ZNF445: variants seen among roughly 807,000 people sequenced by gnomAD.
ZNF445 encodes the protein zinc finger protein 168.
ZNF445 carries 19 observed loss-of-function variants against 93.9 expected under a neutral mutation model. That is an observed-to-expected ratio of 0.20 (90% CI 0.14 to 0.30). ZNF445 has a LOEUF of 0.30. ZNF445 is among the 10% of genes least tolerant of loss of function. The pLI, the probability that ZNF445 is intolerant of heterozygous loss-of-function variation, is 1.00. For missense variants in ZNF445, 1,058 were observed against 1,259.4 expected (o/e 0.84, Z 2.42); for synonymous variants, 449 against 446.3 (o/e 1.01, Z -0.08).
chr3:44,449,637 G>A lies in ZNF445; in HGVS notation c.821-14C>T. ...TGAATGGTCCCACTGCAGAAGAGAA[G>A]AGAATGGCATGAGAAGGGAGATGGA... On this transcript the variant is annotated splice_polypyrimidine_tract_variant and intron_variant, in intron 6 of 7. Transcript: ENST00000396077. 1 of 1,600,072 alleles carries A rather than the reference G, an allele frequency of 6.2e-7. No individual in the cohort carries two copies. The highest frequency in any genetic ancestry group is 2.2e-5 in the East Asian group (1 of 44,762).
intron 2 of ZNF445, among the ~76,000 whole-genome samples, chr3:44,457,261 C>T (rs374375268): frequency 2.6e-5 from 4 of 151,990 alleles, no homozygotes; most frequent in Non-Finnish European, 5.9e-5. Context: ...CTGTGATACA[C>T]CCAACTGATT....
intron 1 of ZNF445, among the ~76,000 whole-genome samples, chr3:44,477,124 T>C (rs1456350916): frequency 2.0e-5 from 3 of 152,218 alleles, no homozygotes; most frequent in Non-Finnish European, 2.9e-5. Context: ...CAATATTGTT[T>C]CCTCACAATA....
chr3:44,451,032 C>G lies in ZNF445; in HGVS notation c.599-70G>C, dbSNP rs188346622. ...CCCAGTGAGAAGCCCACTCTTCCCC[C>G]CAGTAGAGGACTCCTGGACCCATGA... On this transcript the variant is annotated intron_variant, in intron 4 of 7. Transcript: ENST00000396077. The G allele has an allele frequency of 3.8e-6, 5 of 1,308,768 alleles. No individual in the cohort carries two copies. The East Asian group carries it at 1.3e-4, about 33-fold the overall frequency. The allele number at this position is 1,308,768 out of a possible 1,614,324, so 81.1% of individuals were successfully genotyped here.
At chr3:44,462,020 T>C (rs1379942957) in intron 1 of ZNF445, among the ~76,000 whole-genome samples, 3 of 151,480 alleles carry the variant, frequency 2.0e-5, no homozygotes, top group African/African-American at 7.3e-5. Flanking sequence ...TCTCTCTGTC[T>C]GGGTAAATGG....
chr3:44,448,368 TCC>T lies in ZNF445; in HGVS notation c.1301_1302del (p.Gly434GlufsTer18). On this transcript the variant is annotated frameshift_variant, in exon 8 of 8. Transcript: ENST00000396077. LOFTEE classifies it high-confidence loss of function. ...SSHHYDYKKY[G>X]KGLRHMIGGF... Reference sequence around the variant, plus strand: ...CCCCCAATCATGTGTCTGAGCCCCTTCCCATATTTCTTGTAGTCATAGTGGTG... The same window carrying T: ...CCCCCAATCATGTGTCTGAGCCCCTTCATATTTCTTGTAGTCATAGTGGTG... 6.2e-7 allele frequency: 1 copy of T among 1,614,216 alleles called. No homozygotes were observed. Among genetic ancestry groups the T allele is most frequent in the Non-Finnish European group, 8.5e-7 (1 of 1,180,034 alleles).
In ZNF445 at chr3:44,450,430, G is replaced by C; in HGVS notation, c.820+17C>G. The C allele has an allele frequency of 6.2e-7, 1 of 1,614,090 alleles. No homozygotes were observed. Among genetic ancestry groups the C allele is most frequent in the African/African-American group, 1.3e-5 (1 of 75,028 alleles). ...GAAATAAAGATGGATAGAAGCATGAGGATATCGATTACTTACCCAGGGAAG... is the reference window on the plus strand; with the variant it reads ...GAAATAAAGATGGATAGAAGCATGACGATATCGATTACTTACCCAGGGAAG... On this transcript the variant is annotated intron_variant, in intron 6 of 7. Coordinates refer to ENST00000396077, the MANE Select transcript of ZNF445 (RefSeq NM_181489.6).
rs1420474700 is a variant in ZNF445 at position 44,438,319 on chromosome 3, C to T, written c.*8256G>A. The T allele has an allele frequency of 2.6e-5, 4 of 152,034 alleles. No individual in the cohort carries two copies. Among genetic ancestry groups the T allele is most frequent in the African/African-American group, 9.7e-5 (4 of 41,372 alleles). 9.4% of individuals were successfully genotyped at this position (152,034 alleles called of 1,614,324 possible). On this transcript the variant is annotated 3_prime_UTR_variant, in exon 8 of 8. Transcript: ENST00000396077. ...GGATTACAGGCACACACCACCACAC[C>T]CGGCTAATTTTTGTATTTTTAATAG...
chr3:44,455,412 G>A lies in ZNF445; in HGVS notation c.138C>T (p.Leu46=), dbSNP rs376915533. 5.0e-6 allele frequency: 8 copies of A among 1,614,120 alleles called. No homozygotes were observed. Among genetic ancestry groups the A allele is most frequent in the Admixed American group, 3.3e-5 (2 of 60,002 alleles). Residue 46 remains leucine (L), a synonymous_variant, in exon 3 of 8, where the codon CTC becomes CTT. Coordinates refer to ENST00000396077, the MANE Select transcript of ZNF445 (RefSeq NM_181489.6). ...GGAACAGCTCCTGGCCAGGGCGGTT[G>A]AGAGTCTGTGGCCTGGCAGCCTGCA... ...TPVQAARPQT[L]NRPGQELFRQ...
At chr3:44,472,278 A>G (rs560313166) in intron 1 of ZNF445, among the ~76,000 whole-genome samples, 6 of 152,354 alleles carry the variant, frequency 3.9e-5, no homozygotes, top group Non-Finnish European at 7.4e-5. Flanking sequence ...AGCTCCAAAA[A>G]TAAGTCTCCA....
At position 44,437,724 on chromosome 3, in the gene ZNF445, T is replaced by C. The variant is rs185503595; in HGVS notation, c.*8851A>G. On this transcript the variant is annotated 3_prime_UTR_variant, in exon 8 of 8. Transcript: ENST00000396077. ...CAAAGTCGTCCAATCAGTGCTGCAG[T>C]CTATTTCTTTGGGGTTGGGGGGATT... 3.3e-5 allele frequency: 5 copies of C among 152,338 alleles called. No homozygotes were observed. In the East Asian group the frequency reaches 9.6e-4, roughly 29 times the overall value. The allele number at this position is 152,338 out of a possible 1,614,324, so 9.4% of individuals were successfully genotyped here. A position where few individuals can be genotyped will look rare whatever the true frequency, so the allele number is the denominator to read the frequency against.
chr3:44,448,041 C>T lies in ZNF445; in HGVS notation c.1630G>A (p.Asp544Asn), dbSNP rs1004351144. 1.9e-6 allele frequency: 3 copies of T among 1,611,662 alleles called. No individual in the cohort carries two copies. The highest frequency in any genetic ancestry group is 2.5e-6 in the Non-Finnish European group (3 of 1,179,996). The part of the protein sequence containing the change: ...IHTGVKPYKC[D>N]LCEKAFRRLS... ...CGTCGGAAAGCTTTCTCACATAAAT[C>T]GCATTTATAAGGCTTCACTCCAGTG... The change falls in exon 8 of 8, where the codon GAT (aspartate) becomes AAT (asparagine). Residue 544 changes from aspartate (D) to asparagine (N), a missense_variant. Asp to Asn is a conservative substitution (Grantham distance 23, BLOSUM62 1). Transcript: ENST00000396077.
intron 1 of ZNF445, among the ~76,000 whole-genome samples, chr3:44,461,907 C>T (rs767556395): frequency 5.9e-5 from 9 of 152,180 alleles, no homozygotes; most frequent in Non-Finnish European, 1.0e-4. Context: ...TCAGAACCTG[C>T]TCCATTCTTC....
chr3:44,464,553 G>C lies in ZNF445; in HGVS notation c.-268-6189C>G, dbSNP rs191975525. Among the ~76,000 whole-genome samples the C allele has an allele frequency of 3.9e-3, 600 of 152,248 alleles. 3 individuals carry two copies. Among genetic ancestry groups the C allele is most frequent in the African/African-American group, 0.014 (569 of 41,536 alleles). ...TATTCTTTTAGAAGACAGTTTTAAA[G>C]ACTGATAAAATAAAATGTCTTGAAA... On this transcript the variant is annotated intron_variant, in intron 1 of 7. Transcript: ENST00000396077.
At chr3:44,451,517 T>C (rs1296494199) in intron 3 of ZNF445, 35 bp from the exon 4 acceptor site, 2 of 1,581,510 alleles carry the variant, frequency 1.3e-6, no homozygotes, top group Non-Finnish European at 1.7e-6. Flanking sequence ...AGGATCTTTC[T>C]GGGAATCAGA....
rs1039016361 is a variant in ZNF445, at chr3:44,447,713, T to C, written c.1958A>G (p.Tyr653Cys). 6.2e-7 allele frequency: 1 copy of C among 1,614,200 alleles called. No homozygotes were observed. Among genetic ancestry groups the C allele is most frequent in the Non-Finnish European group, 8.5e-7 (1 of 1,180,042 alleles). ...HMRLHEEEKF[Y>C]KQDECREGFR... is the part of the protein sequence containing the mutation. ...GCCTTCACGACATTCATCTTGTTTG[T>C]AGAATTTTTCCTCCTCATGCAACCT... Residue 653 changes from tyrosine (Y) to cysteine (C), a missense_variant, in exon 8 of 8, where the codon TAC (tyrosine) becomes TGC (cysteine). Tyr to Cys is a radical substitution (Grantham distance 194). This residue lies in a region of ZNF445 where 387 missense variants were observed against 475.7 expected (regional missense o/e 0.81). Coordinates refer to ENST00000396077, the MANE Select transcript of ZNF445 (RefSeq NM_181489.6). This position sits in a 1 kb window ranked among gnomAD's most constrained non-coding sequence, Gnocchi z 4.7.
intron 7 of ZNF445, 85 bp from the exon 8 acceptor site, chr3:44,448,824 G>A: frequency 4.1e-6 from 6 of 1,479,004 alleles, no homozygotes; most frequent in Non-Finnish European, 5.4e-6. Context: ...AAAATGTCTG[G>A]GTGGTGAGGC....
chr3:44,472,341 CT>C (rs534184142), intron 1 of ZNF445, among the ~76,000 whole-genome samples: 15 of 152,070 alleles, frequency 9.9e-5, no homozygotes, highest in South Asian at 6.2e-4. Context: ...GGGTCAGTGA[CT>C]TTTTTTTCCC....
rs145107439 is a variant in ZNF445, at chr3:44,460,324, T to C, written c.-268-1960A>G. Among the ~76,000 whole-genome samples, 88 of 152,324 alleles carry C rather than the reference T, an allele frequency of 5.8e-4. No individual in the cohort carries two copies. The East Asian group carries it at 0.013, about 23-fold the overall frequency. On this transcript the variant is annotated intron_variant, in intron 1 of 7. Transcript: ENST00000396077. Reference sequence around the variant, plus strand: ...TTGGGAGAAACTAATAGTTTAAACATAGAGATTAACAACCCTTTCCCAAAG... The same window carrying C: ...TTGGGAGAAACTAATAGTTTAAACACAGAGATTAACAACCCTTTCCCAAAG...
Position 44,434,434 on chromosome 3 carries a change from A to G in ZNF445, c.*12141T>C, listed in dbSNP as rs1575299697. ...AAAAGAAAAAAAAAAGAGAGAAAGAAGTTTTGGAAACATTATTTGCCCTTA... is the reference window on the plus strand; with the variant it reads ...AAAAGAAAAAAAAAAGAGAGAAAGAGGTTTTGGAAACATTATTTGCCCTTA... On this transcript the variant is annotated 3_prime_UTR_variant, in exon 8 of 8. Transcript: ENST00000396077. 1 of 151,892 alleles carries G rather than the reference A, an allele frequency of 6.6e-6. No individual in the cohort carries two copies. Among genetic ancestry groups the G allele is most frequent in the Non-Finnish European group, 1.5e-5 (1 of 67,968 alleles). The allele number at this position is 151,892 out of a possible 1,614,324, so 9.4% of individuals were successfully genotyped here. A position where few individuals can be genotyped will look rare whatever the true frequency, so the allele number is the denominator to read the frequency against.
Sources: gnomAD v4.1 joint callset for allele counts (sites outside exome capture counted in the v4.1 genomes callset) on GRCh38, gnomAD v4.1.1 for gene constraint, gnomAD v4.1.1 regional missense constraint, Gnocchi (gnomAD v3.1) non-coding constraint, MANE v1.5 for transcripts, NCBI Gene and HGNC (gene_info 2026-07-23, HGNC 2026-07-21) for gene names.